RAB38: variants seen among roughly 807,000 people sequenced by gnomAD.
The protein encoded by RAB38 is RAB38, member RAS oncogene family.
In RAB38, 15 loss-of-function variants were observed where a neutral mutation model predicts 18.4. The observed-to-expected ratio is 0.82, with a 90% CI of 0.55 to 1.26. The LOEUF (loss-of-function observed/expected upper bound fraction) is 1.26, where lower values mean the gene tolerates loss of function less well. Ranked by LOEUF, RAB38 falls within the 50% of genes most tolerant of loss-of-function variation. The probability of loss-of-function intolerance (pLI) is 0.00; values close to 1 mark genes in which losing one functional copy is unlikely to be tolerated. For synonymous variants in RAB38, 101 were observed against 104.4 expected (o/e 0.97, Z 0.20); for missense variants, 294 against 267.4 (o/e 1.10, Z -0.69).
chr11:87,814,112 T>C, the RAB38 span, among the ~76,000 whole-genome samples: 158 of 152,236 alleles, frequency 1.0e-3, no homozygotes, highest in Non-Finnish European at 1.8e-3. Flanking sequence ...CTTTGAATAA[T>C]TGACAACACC....
chr11:87,922,528 A>G, the RAB38 span, among the ~76,000 whole-genome samples: 2 of 151,596 alleles, frequency 1.3e-5, no homozygotes, highest in Non-Finnish European at 2.9e-5. Context: ...ATATTTGACA[A>G]GTCATTCAAA....
At chr11:88,145,210 C>T (rs1197134531) in intron 2 of RAB38, among the ~76,000 whole-genome samples, 7 of 151,656 alleles carry the variant, frequency 4.6e-5, no homozygotes, top group African/African-American at 1.5e-4. Flanking sequence ...TGAGCAATGG[C>T]GCGATCTCAG....
the RAB38 span, among the ~76,000 whole-genome samples, chr11:87,912,762 C>CTTT: frequency 0.53 from 44,668 of 84,298 alleles, 12,588 homozygotes; most frequent in East Asian, 0.77. Flanking sequence ...AATTTTCTTT[C>CTTT]TTTCTTTTTT....
chr11:88,108,502 T>C (rs1399036839), downstream of RAB38, among the ~76,000 whole-genome samples: 1 of 152,236 alleles, frequency 6.6e-6, no homozygotes, highest in Non-Finnish European at 1.5e-5. Context: ...TTGGTAAATA[T>C]TCCTCCATCC....
chr11:87,885,224 A>G, the RAB38 span, among the ~76,000 whole-genome samples: 1 of 150,790 alleles, frequency 6.6e-6, no homozygotes, highest in Non-Finnish European at 1.5e-5. Flanking sequence ...TACACTTACC[A>G]CCCTGAATAT....
chr11:87,812,613 C>T, the RAB38 span, among the ~76,000 whole-genome samples: 2 of 152,166 alleles, frequency 1.3e-5, no homozygotes, highest in East Asian at 1.9e-4. Context: ...TGACTGCAGG[C>T]GCAGGCTGTA....
chr11:88,078,359 G>C, the RAB38 span, among the ~76,000 whole-genome samples: 1 of 151,976 alleles, frequency 6.6e-6, no homozygotes, highest in South Asian at 2.1e-4. Flanking sequence ...AGATATAGCT[G>C]TACTCCCATA....
chr11:87,849,910 C>G, the RAB38 span, among the ~76,000 whole-genome samples: 1 of 152,004 alleles, frequency 6.6e-6, no homozygotes, highest in East Asian at 1.9e-4. Flanking sequence ...ATGATGAGCT[C>G]AAACTAGTTG....
intron 2 of RAB38, among the ~76,000 whole-genome samples, chr11:88,135,819 A>G (rs1280802850): frequency 1.3e-5 from 2 of 152,248 alleles, no homozygotes; most frequent in Non-Finnish European, 2.9e-5. Flanking sequence ...AGAAACATAT[A>G]GTATCCTGGC....
chr11:88,148,134 G>A (rs1327082945), intron 2 of RAB38, among the ~76,000 whole-genome samples: 2 of 151,974 alleles, frequency 1.3e-5, no homozygotes, highest in African/African-American at 2.4e-5. Flanking sequence ...TAGAATGAAA[G>A]GGAAAAGCAC....
the RAB38 span, among the ~76,000 whole-genome samples, chr11:88,009,182 G>C: frequency 6.6e-6 from 1 of 152,056 alleles, no homozygotes; most frequent in Non-Finnish European, 1.5e-5. Context: ...GCCAAAGCTT[G>C]ACAGAAATGG....
the RAB38 span, among the ~76,000 whole-genome samples, chr11:88,075,660 C>A: frequency 6.6e-6 from 1 of 152,040 alleles, no homozygotes; most frequent in Admixed American, 6.6e-5. Context: ...CTGGGCAGAT[C>A]ACTTGAGCTG....
intron 2 of RAB38, among the ~76,000 whole-genome samples, chr11:88,125,845 T>G (rs1300660994): frequency 2.0e-5 from 3 of 152,202 alleles, no homozygotes; most frequent in African/African-American, 7.2e-5. Context: ...TTTTATGGCT[T>G]TAGATCTAAC....
chr11:87,835,744 G>A, the RAB38 span, among the ~76,000 whole-genome samples: 1 of 152,114 alleles, frequency 6.6e-6, no homozygotes, highest in Non-Finnish European at 1.5e-5. Context: ...AGCCTCAGAA[G>A]GAACCAAAAC....
At chr11:88,131,727 C>T (rs1270098624) in intron 2 of RAB38, among the ~76,000 whole-genome samples, 4 of 152,180 alleles carry the variant, frequency 2.6e-5, no homozygotes, top group African/African-American at 9.6e-5. Flanking sequence ...AATTCTAATT[C>T]TAATGTTCCC....
At chr11:87,841,339 C>T in the RAB38 span, among the ~76,000 whole-genome samples, 1 of 152,100 alleles carries the variant, frequency 6.6e-6, no homozygotes, top group Non-Finnish European at 1.5e-5. Context: ...ACTTTTTCCC[C>T]TTTGCTTGAC....
chr11:88,158,728 T>TA (rs1348165413), intron 1 of RAB38, among the ~76,000 whole-genome samples: 2 of 152,000 alleles, frequency 1.3e-5, no homozygotes, highest in Non-Finnish European at 2.9e-5. Context: ...CCCTTCATAA[T>TA]AAAAACCCTC....
the RAB38 span, among the ~76,000 whole-genome samples, chr11:87,907,698 C>T: frequency 2.6e-5 from 4 of 151,212 alleles, no homozygotes; most frequent in Non-Finnish European, 4.4e-5. Flanking sequence ...AAAATTAGAA[C>T]TGAATAATCT....
the RAB38 span, among the ~76,000 whole-genome samples, chr11:87,954,682 A>G: frequency 6.6e-6 from 1 of 152,056 alleles, no homozygotes; most frequent in Non-Finnish European, 1.5e-5. Flanking sequence ...GGAAGGCAGG[A>G]CCAGATAAGG....
Sources: allele counts gnomAD v4.1 joint callset (sites outside exome capture counted in the v4.1 genomes callset), GRCh38; gene constraint gnomAD v4.1.1; transcripts MANE v1.5; gene names NCBI Gene and HGNC (gene_info 2026-07-23, HGNC 2026-07-21).